The following DUSP16 variants were observed in gnomAD, a reference collection of about 807,000 sequenced individuals.
DUSP16 encodes dual specificity phosphatase 16.
In DUSP16, 21 loss-of-function variants were observed where a neutral mutation model predicts 58.3. That is an observed-to-expected ratio of 0.36 (90% confidence interval 0.26 to 0.52). The LOEUF (loss-of-function observed/expected upper bound fraction) is 0.52. Ranked by LOEUF, DUSP16 falls within the 20% of genes least tolerant of loss-of-function variation. The pLI is 0.94. For missense variants in DUSP16, 726 were observed against 819.0 expected, an observed-to-expected ratio of 0.89 and a Z score of 1.39; for synonymous variants, 320 against 323.8, an observed-to-expected ratio of 0.99 and a Z score of 0.12.
At position 12,477,291 on chromosome 12, in the gene DUSP16, G is replaced by T. The variant is rs750552490; in HGVS notation, c.1540C>A (p.His514Asn). The change falls in exon 7 of 7, where the codon CAC (histidine) becomes AAC (asparagine). Residue 514 changes from histidine (H) to asparagine (N), a missense_variant. Transcript: ENST00000298573. This position sits in a 1 kb window ranked among gnomAD's most constrained non-coding sequence, Gnocchi z 4.1. ...GAAAGGCCGAAAAGGAAGCTGGTGTGGTAATTGTCCTCCACGCTCCCACTT... is the reference window on the plus strand; with the variant it reads ...GAAAGGCCGAAAAGGAAGCTGGTGTTGTAATTGTCCTCCACGCTCCCACTT... ...HRSGSVEDNY[H>N]TSFLFGLSTS... 3.7e-6 allele frequency: 6 copies of T among 1,614,244 alleles called. No homozygotes were observed. The Admixed American group carries it at 8.3e-5, about 22-fold the overall frequency.
At chr12:12,561,295 G>T (rs1944899218) in intron 1 of DUSP16, among the ~76,000 whole-genome samples, 1 of 152,190 alleles carries the variant, frequency 6.6e-6, no homozygotes, top group Admixed American at 6.5e-5. Context: ...AAAACGCCAA[G>T]AATCCTTGCA....
In DUSP16 at chr12:12,476,737, T is replaced by C. The variant is rs978547301; in HGVS notation, c.*96A>G. 9 of 1,193,424 alleles carry C rather than the reference T, an allele frequency of 7.5e-6. No homozygotes were observed. In the African/African-American group the frequency reaches 1.2e-4, roughly 16 times the overall value. The allele number at this position is 1,193,424 out of a possible 1,614,324, so 73.9% of individuals were successfully genotyped here. Reference sequence around the variant, plus strand: ...ACCATAGCTCCATTTTCCAAAAATATATATGTATGTACATATATATATTTC... The same window carrying C: ...ACCATAGCTCCATTTTCCAAAAATACATATGTATGTACATATATATATTTC... On this transcript the variant is annotated 3_prime_UTR_variant, in exon 7 of 7. Transcript: ENST00000298573.
chr12:12,559,551 C>T (rs1309410480), intron 1 of DUSP16, among the ~76,000 whole-genome samples: 1 of 152,048 alleles, frequency 6.6e-6, no homozygotes, highest in African/African-American at 2.4e-5. Flanking sequence ...TCAGGTAACA[C>T]GAAGTAGAAA....
At chr12:12,525,731 T>TACACACACACAC (rs35552389) in intron 1 of DUSP16, among the ~76,000 whole-genome samples, 1,465 of 146,174 alleles carry the variant, frequency 0.01, 17 homozygotes, top group African/African-American at 0.027. Context: ...AATATATGTA[T>TACACACACACAC]ACACACACAC....
chr12:12,477,299 T>C lies in DUSP16; in HGVS notation c.1532A>G (p.Asp511Gly). Residue 511 changes from aspartate to glycine, a missense_variant, in exon 7 of 7, where the codon GAC (aspartate) becomes GGC (glycine). Asp to Gly is a moderately conservative substitution (Grantham distance 94). Coordinates refer to ENST00000298573, the MANE Select transcript of DUSP16 (RefSeq NM_030640.3). This position sits in a 1 kb window ranked among gnomAD's most constrained non-coding sequence, Gnocchi z 4.1. ...GAAAAGGAAGCTGGTGTGGTAATTGTCCTCCACGCTCCCACTTCGATGCAG... is the reference window on the plus strand; with the variant it reads ...GAAAAGGAAGCTGGTGTGGTAATTGCCCTCCACGCTCCCACTTCGATGCAG... ...SPLHRSGSVE[D>G]NYHTSFLFGL... is the part of the protein sequence containing the mutation. The C allele has an allele frequency of 6.2e-7, 1 of 1,614,182 alleles. No individual in the cohort carries two copies. Among genetic ancestry groups the C allele is most frequent in the Non-Finnish European group, 8.5e-7 (1 of 1,180,040 alleles).
chr12:12,511,079 G>A (rs1356882485), intron 3 of DUSP16, among the ~76,000 whole-genome samples: 1 of 152,230 alleles, frequency 6.6e-6, no homozygotes, highest in Non-Finnish European at 1.5e-5. Context: ...AAACTGGGAA[G>A]TGATGTAATC....
chr12:12,506,718 A>C (rs1001712578), intron 3 of DUSP16, among the ~76,000 whole-genome samples: 8 of 152,224 alleles, frequency 5.3e-5, no homozygotes, highest in Non-Finnish European at 1.0e-4. Flanking sequence ...CCTGCTGAGA[A>C]ACAGGGATGG....
rs574587078 is a variant in DUSP16 at position 12,486,057 on chromosome 12, TG to T, written c.691+970del. On this transcript the variant is annotated intron_variant, in intron 5 of 6. Coordinates refer to ENST00000298573, the MANE Select transcript of DUSP16 (RefSeq NM_030640.3). ...ATCCACCCGCCTAGGCCTCCCAAAG[TG>T]CTGGGATTACAGGCGTGACCCACCG... is the stretch of plus-strand genomic sequence containing the variant. 1.6e-3 allele frequency among the ~76,000 whole-genome samples: 246 copies of T among 151,292 alleles called. 2 individuals are homozygous for T. Among genetic ancestry groups the T allele is most frequent in the African/African-American group, 5.4e-3 (224 of 41,192 alleles).
At chr12:12,557,382 G>A (rs1233366621) in intron 1 of DUSP16, among the ~76,000 whole-genome samples, 4 of 151,552 alleles carry the variant, frequency 2.6e-5, no homozygotes, top group Non-Finnish European at 4.4e-5. Flanking sequence ...GCTTGAACCC[G>A]GGAGGCGGAG....
In DUSP16 at chr12:12,492,853, A is replaced by ACTG. The variant is rs552604277; in HGVS notation, c.532-5669_532-5667dup. Among the ~76,000 whole-genome samples the ACTG allele has an allele frequency of 8.5e-5, 13 of 152,112 alleles. No individual in the cohort carries two copies. In the East Asian group the frequency reaches 2.5e-3, roughly 30 times the overall value. ...CCTAAAGTACTACTTGGCACACTCGACTGCTCCTTCCTCCTGGAAAACACG... is the reference window on the plus strand; with the variant it reads ...CCTAAAGTACTACTTGGCACACTCGACTGCTGCTCCTTCCTCCTGGAAAACACG... On this transcript the variant is annotated intron_variant, in intron 4 of 6. Coordinates refer to ENST00000298573, the MANE Select transcript of DUSP16 (RefSeq NM_030640.3).
rs762374205 is a variant in DUSP16, at chr12:12,477,131, T to A, written c.1700A>T (p.Tyr567Phe). ...WYFATESSHF[Y>F]SASAIYGGSA... ...GCCTCCGTAGATGGCTGAGGCAGAGTAGAAGTGTGAGGACTCTGTGGCAAA... is the reference window on the plus strand; with the variant it reads ...GCCTCCGTAGATGGCTGAGGCAGAGAAGAAGTGTGAGGACTCTGTGGCAAA... The change falls in exon 7 of 7, where the codon TAC becomes TTC. Residue 567 changes from tyrosine to phenylalanine, a missense_variant. Tyr to Phe is a conservative substitution (Grantham distance 22, BLOSUM62 3). Transcript: ENST00000298573. The surrounding 1 kb of genome is among the most constrained non-coding windows in gnomAD (Gnocchi z 4.1). 2 of 1,613,928 alleles carry A rather than the reference T, an allele frequency of 1.2e-6. No homozygotes were observed. Among genetic ancestry groups the A allele is most frequent in the Admixed American group, 1.7e-5 (1 of 60,000 alleles).
Position 12,507,352 on chromosome 12 carries a change from A to T in DUSP16, c.368-6670T>A, listed in dbSNP as rs76971164. ...GGCCTTTCCACTCATGCCTTCATTTAAATAGGGAGCAAGTCACTAGGGATT... is the reference window on the plus strand; with the variant it reads ...GGCCTTTCCACTCATGCCTTCATTTTAATAGGGAGCAAGTCACTAGGGATT... On this transcript the variant is annotated intron_variant, in intron 3 of 6. Transcript: ENST00000298573. Among the ~76,000 whole-genome samples the T allele has an allele frequency of 5.5e-3, 835 of 152,284 alleles. 8 individuals carry two copies. Among genetic ancestry groups the T allele is most frequent in the African/African-American group, 0.018 (762 of 41,550 alleles).
rs115422811 is a variant in DUSP16, at chr12:12,527,011, A to T, written c.-365-5548T>A. 2.8e-3 allele frequency among the ~76,000 whole-genome samples: 423 copies of T among 152,358 alleles called. 2 individuals carry two copies. Among genetic ancestry groups the T allele is most frequent in the African/African-American group, 9.9e-3 (412 of 41,576 alleles). Reference sequence around the variant, plus strand: ...ACATTTTCTTTTACAAAGAGAAATTATCAGGGAAAGGAAAAGGATCCCATA... The same window carrying T: ...ACATTTTCTTTTACAAAGAGAAATTTTCAGGGAAAGGAAAAGGATCCCATA... On this transcript the variant is annotated intron_variant, in intron 1 of 6. Coordinates refer to ENST00000298573, the MANE Select transcript of DUSP16 (RefSeq NM_030640.3).
intron 1 of DUSP16, among the ~76,000 whole-genome samples, chr12:12,549,659 C>T (rs2136264706): frequency 6.6e-6 from 1 of 152,186 alleles, no homozygotes; most frequent in South Asian, 2.1e-4. Context: ...ACATATGTTA[C>T]CATCTCTCCC....
intron 4 of DUSP16, among the ~76,000 whole-genome samples, chr12:12,492,911 C>T (rs1461963642): frequency 6.6e-6 from 1 of 152,058 alleles, no homozygotes; most frequent in Non-Finnish European, 1.5e-5. Context: ...ACTTGATTTC[C>T]TTCCTTCCTC....
chr12:12,483,880 TA>T (rs1565978602), intron 5 of DUSP16, among the ~76,000 whole-genome samples: 1 of 152,070 alleles, frequency 6.6e-6, no homozygotes, highest in Non-Finnish European at 1.5e-5. Context: ...TATGAGCCTG[TA>T]AGTCATTAAG....
At chr12:12,504,298 A>T (rs1555165666) in intron 3 of DUSP16, among the ~76,000 whole-genome samples, 1 of 151,916 alleles carries the variant, frequency 6.6e-6, no homozygotes, top group Non-Finnish European at 1.5e-5. Context: ...ACAGGGTCTC[A>T]CTCTGTTGCC....
At chr12:12,522,544 G>A (rs1318094239) in intron 1 of DUSP16, among the ~76,000 whole-genome samples, 1 of 151,872 alleles carries the variant, frequency 6.6e-6, no homozygotes, top group East Asian at 1.9e-4. Flanking sequence ...GTCTACTTCT[G>A]GCACTGAACT....
At chr12:12,555,912 A>T (rs1434861145) in intron 1 of DUSP16, among the ~76,000 whole-genome samples, 1 of 152,128 alleles carries the variant, frequency 6.6e-6, no homozygotes, top group Admixed American at 6.6e-5. Flanking sequence ...ATAGTTGCAC[A>T]TGCCTATAGT....
Sources: gnomAD v4.1 joint callset for allele counts (sites outside exome capture counted in the v4.1 genomes callset) on GRCh38, gnomAD v4.1.1 for gene constraint, Gnocchi (gnomAD v3.1) non-coding constraint, MANE v1.5 for transcripts, NCBI Gene and HGNC (gene_info 2026-07-23, HGNC 2026-07-21) for gene names.